RBFOX1: variants seen among roughly 807,000 people sequenced by gnomAD.
The protein encoded by RBFOX1 is RNA binding fox-1 homolog 1, also known as RNA binding protein fox-1 homolog 1.
A neutral mutation model predicts 57.7 loss-of-function variants in RBFOX1; 8 were observed. The observed-to-expected ratio is 0.14, with a 90% CI of 0.08 to 0.25. The LOEUF (loss-of-function observed/expected upper bound fraction) is 0.25, where lower values mean the gene tolerates loss of function less well. Ranked by LOEUF, RBFOX1 falls within the 10% of genes least tolerant of loss-of-function variation. The pLI, the probability that RBFOX1 is intolerant of heterozygous loss-of-function variation, is 1.00. For synonymous variants in RBFOX1, 326 were observed against 222.4 expected, an observed-to-expected ratio of 1.47 and a Z score of -4.15; for missense variants, 611 against 548.5, an observed-to-expected ratio of 1.11 and a Z score of -1.14.
intron 4 of RBFOX1, among the ~76,000 whole-genome samples, chr16:7,090,368 G>A (rs1366773599): frequency 6.6e-6 from 1 of 152,128 alleles, no homozygotes; most frequent in Non-Finnish European, 1.5e-5. Flanking sequence ...TTTTGCTGGG[G>A]GGAGGTGTGG....
chr16:5,332,428 A>AT (rs796254296), intron 1 of RBFOX1, among the ~76,000 whole-genome samples: 12 of 151,608 alleles, frequency 7.9e-5, no homozygotes, highest in African/African-American at 2.7e-4. Context: ...TGCCCAGCTG[A>AT]TTTTTTTGTA....
At chr16:5,858,247 C>T (rs972268221) in intron 3 of RBFOX1, among the ~76,000 whole-genome samples, 1 of 152,140 alleles carries the variant, frequency 6.6e-6, no homozygotes, top group African/African-American at 2.4e-5. Flanking sequence ...GGGAAAGGCC[C>T]AGAGAGCCTC....
intron 3 of RBFOX1, among the ~76,000 whole-genome samples, chr16:6,795,650 C>T (rs187494838): frequency 2.0e-5 from 3 of 151,882 alleles, no homozygotes; most frequent in East Asian, 1.9e-4. Flanking sequence ...CCTGTAATCC[C>T]AGCTACTTGG....
chr16:5,401,363 T>A (rs2066709010), intron 1 of RBFOX1, among the ~76,000 whole-genome samples: 1 of 152,166 alleles, frequency 6.6e-6, no homozygotes, highest in Non-Finnish European at 1.5e-5. Flanking sequence ...TAGCGTATGA[T>A]CAATGTTCCT....
chr16:7,022,919 A>C (rs1280292811), intron 3 of RBFOX1, among the ~76,000 whole-genome samples: 1 of 152,114 alleles, frequency 6.6e-6, no homozygotes, highest in Non-Finnish European at 1.5e-5. Context: ...CCATTGTCTC[A>C]CTCTTGAGTC....
chr16:7,652,890 T>A (rs1204412683), intron 11 of RBFOX1, among the ~76,000 whole-genome samples: 1 of 152,218 alleles, frequency 6.6e-6, no homozygotes, highest in Non-Finnish European at 1.5e-5. Context: ...GTGGGAATAC[T>A]TCAATTAGAA....
intron 4 of RBFOX1, among the ~76,000 whole-genome samples, chr16:7,183,632 C>T (rs887352914): frequency 1.3e-5 from 2 of 152,068 alleles, no homozygotes; most frequent in Admixed American, 1.3e-4. Flanking sequence ...CTCTTAGGGT[C>T]CCGAAGCAGG....
At chr16:7,677,844 C>T (rs1360630208) in intron 14 of RBFOX1, among the ~76,000 whole-genome samples, 2 of 152,144 alleles carry the variant, frequency 1.3e-5, no homozygotes, top group East Asian at 1.9e-4. Context: ...ATGTATTTGA[C>T]TCCTGAATGG....
chr16:6,842,891 A>G (rs2093561994), intron 3 of RBFOX1, among the ~76,000 whole-genome samples: 1 of 151,906 alleles, frequency 6.6e-6, no homozygotes, highest in South Asian at 2.1e-4. Context: ...CTCATTGTTC[A>G]ACTCCGACTT....
At chr16:5,872,676 C>T (rs2057505325) in intron 4 of RBFOX1, among the ~76,000 whole-genome samples, 1 of 151,876 alleles carries the variant, frequency 6.6e-6, no homozygotes, top group Admixed American at 6.6e-5. Context: ...GTTGAGGTTG[C>T]AGTGAGGCAA....
chr16:6,876,108 C>T (rs528170491), intron 3 of RBFOX1, among the ~76,000 whole-genome samples: 4 of 151,576 alleles, frequency 2.6e-5, no homozygotes, highest in Admixed American at 1.3e-4. Context: ...GAAGGAACCC[C>T]GGAGATTGAG....
intron 1 of RBFOX1, among the ~76,000 whole-genome samples, chr16:5,402,081 G>A (rs756048249): frequency 3.9e-5 from 6 of 152,034 alleles, no homozygotes; most frequent in East Asian, 1.9e-4. Context: ...GAGTACTCCC[G>A]GGCTAAGAAC....
intron 2 of RBFOX1, among the ~76,000 whole-genome samples, chr16:6,592,144 C>G (rs1424006735): frequency 6.6e-6 from 1 of 152,192 alleles, no homozygotes; most frequent in Non-Finnish European, 1.5e-5. Flanking sequence ...ACATGTATCT[C>G]TCCAACTTCT....
intron 4 of RBFOX1, among the ~76,000 whole-genome samples, chr16:7,212,507 G>A (rs1413799519): frequency 6.6e-6 from 1 of 152,118 alleles, no homozygotes; most frequent in Non-Finnish European, 1.5e-5. Context: ...ACCCTAGAGT[G>A]GGGTTTCTCA....
rs76419154 is a variant in RBFOX1 at position 6,170,194 on chromosome 16, T to G, written c.-126-146801T>G. Among the ~76,000 whole-genome samples the G allele has an allele frequency of 6.1e-3, 931 of 152,288 alleles. 11 individuals are homozygous for G. Among genetic ancestry groups the G allele is most frequent in the African/African-American group, 0.021 (875 of 41,566 alleles). ...GGCTATGGCATGAGGAAGGGTATCA[T>G]GAAGAGGTTGAAGTCCATGAGGTAA... is the stretch of plus-strand genomic sequence containing the variant. On this transcript the variant is annotated intron_variant, in intron 1 of 15. Coordinates refer to ENST00000550418, the MANE Select transcript of RBFOX1 (RefSeq NM_018723.4).
At chr16:6,823,160 C>A (rs1023133328) in intron 3 of RBFOX1, among the ~76,000 whole-genome samples, 1 of 152,094 alleles carries the variant, frequency 6.6e-6, no homozygotes, top group Admixed American at 6.6e-5. Context: ...CCATCTCAGC[C>A]CCAAAGTGAT....
intron 3 of RBFOX1, among the ~76,000 whole-genome samples, chr16:6,927,330 T>A: frequency 7.1e-6 from 1 of 140,080 alleles, no homozygotes; most frequent in East Asian, 2.3e-4. Context: ...CGAGAATCGC[T>A]GGAACCCGGG....
At chr16:6,690,593 A>G (rs576059906) in intron 3 of RBFOX1, among the ~76,000 whole-genome samples, 5 of 152,126 alleles carry the variant, frequency 3.3e-5, no homozygotes, top group African/African-American at 1.2e-4. Flanking sequence ...CTTATGTATC[A>G]TTATTTAGTA....
intron 1 of RBFOX1, among the ~76,000 whole-genome samples, chr16:5,429,723 A>G (rs1181657296): frequency 1.3e-5 from 2 of 152,054 alleles, no homozygotes; most frequent in Non-Finnish European, 2.9e-5. Context: ...CAAATACATC[A>G]CTGTGCCATA....
Sources: gnomAD v4.1 joint callset for allele counts (sites outside exome capture counted in the v4.1 genomes callset) on GRCh38, gnomAD v4.1.1 for gene constraint, MANE v1.5 for transcripts, NCBI Gene and HGNC (gene_info 2026-07-23, HGNC 2026-07-21) for gene names.